Variants in TENM3 observed in about 807,000 individuals in gnomAD.
The protein encoded by TENM3 is teneurin transmembrane protein 3.
A neutral mutation model predicts 255.1 loss-of-function variants in TENM3; 63 were observed. The observed-to-expected ratio is 0.25, with a 90% CI of 0.20 to 0.30. The LOEUF is 0.30. Among genes scored for constraint, TENM3 ranks in the 10% least tolerant of loss-of-function variants. TENM3 has a pLI of 1.00. For missense variants in TENM3, 2,929 were observed against 3,461.1 expected, an observed-to-expected ratio of 0.85 and a Z score of 3.86; for synonymous variants, 1,306 against 1,322.3, an observed-to-expected ratio of 0.99 and a Z score of 0.27.
the TENM3 span, among the ~76,000 whole-genome samples, chr4:181,776,085 C>A: frequency 3.3e-5 from 5 of 152,060 alleles, no homozygotes; most frequent in African/African-American, 9.7e-5. Context: ...CCCAACACAC[C>A]TTTTTCCACT....
At chr4:182,011,332 CCT>C in the TENM3 span, among the ~76,000 whole-genome samples, 11 of 152,200 alleles carry the variant, frequency 7.2e-5, no homozygotes, top group African/African-American at 2.4e-4. Flanking sequence ...TCTTTACACC[CCT>C]GTCTCTTTCA....
chr4:182,112,313 A>T, the TENM3 span, among the ~76,000 whole-genome samples: 1 of 152,204 alleles, frequency 6.6e-6, no homozygotes, highest in Non-Finnish European at 1.5e-5. Context: ...TTTCTCAGCC[A>T]CATTCACGGA....
chr4:182,300,816 A>G (rs1301816216), intron 1 of TENM3, among the ~76,000 whole-genome samples: 1 of 152,204 alleles, frequency 6.6e-6, no homozygotes, highest in African/African-American at 2.4e-5. Flanking sequence ...AGATTTTGAA[A>G]AAGGGTAGAA....
intron 7 of TENM3, among the ~76,000 whole-genome samples, chr4:182,679,210 T>A (rs371980296): frequency 1.5e-4 from 22 of 151,490 alleles, no homozygotes; most frequent in African/African-American, 3.2e-4. Context: ...AAATAAAATT[T>A]AAAAAAAAGA....
At chr4:181,604,669 A>C in the TENM3 span, among the ~76,000 whole-genome samples, 2 of 152,202 alleles carry the variant, frequency 1.3e-5, no homozygotes, top group Non-Finnish European at 2.9e-5. Context: ...TTCTGCTGTA[A>C]GAGTACTTGT....
At chr4:181,557,200 T>C in the TENM3 span, among the ~76,000 whole-genome samples, 1 of 152,138 alleles carries the variant, frequency 6.6e-6, no homozygotes, top group Non-Finnish European at 1.5e-5. Context: ...GGTAAAAATG[T>C]GGAGGAGTTA....
At chr4:181,644,053 G>A in the TENM3 span, among the ~76,000 whole-genome samples, 11 of 146,806 alleles carry the variant, frequency 7.5e-5, no homozygotes, top group African/African-American at 2.5e-4. Context: ...TCTAGCCTGG[G>A]TGACAGAACA....
chr4:181,792,774 A>G, the TENM3 span, among the ~76,000 whole-genome samples: 2 of 152,046 alleles, frequency 1.3e-5, no homozygotes, highest in Non-Finnish European at 2.9e-5. Context: ...ACCCTCCTTT[A>G]TTTTACTGGA....
chr4:182,106,829 G>T, the TENM3 span, among the ~76,000 whole-genome samples: 2 of 152,134 alleles, frequency 1.3e-5, no homozygotes, highest in Non-Finnish European at 2.9e-5. Context: ...GGCCTACCAT[G>T]TGCAGAAATA....
At chr4:182,691,387 TAAACAGAAGC>T (rs752896203) in intron 12 of TENM3, among the ~76,000 whole-genome samples, 1 of 152,190 alleles carries the variant, frequency 6.6e-6, no homozygotes, top group Non-Finnish European at 1.5e-5. Flanking sequence ...GAGGAGAAAG[TAAACAGAAGC>T]AAACAAAAAT....
At chr4:182,243,037 G>A (rs1200815231), upstream of TENM3, among the ~76,000 whole-genome samples, 1 of 152,244 alleles carries the variant, frequency 6.6e-6, no homozygotes, top group African/African-American at 2.4e-5. Flanking sequence ...ATGTGGTAGA[G>A]AGGCTACAAT....
the TENM3 span, among the ~76,000 whole-genome samples, chr4:181,779,409 A>G: frequency 6.6e-6 from 1 of 151,846 alleles, no homozygotes; most frequent in Non-Finnish European, 1.5e-5. Context: ...TCTGGGAAAC[A>G]TAGTTTCATT....
At chr4:182,295,311 AG>A (rs1456750584) in intron 1 of TENM3, among the ~76,000 whole-genome samples, 1 of 123,626 alleles carries the variant, frequency 8.1e-6, no homozygotes, top group East Asian at 2.3e-4. Context: ...TCTGTCTCCC[AG>A]ACTGGAGTGC....
At chr4:182,100,872 T>G in the TENM3 span, among the ~76,000 whole-genome samples, 20 of 76,878 alleles carry the variant, frequency 2.6e-4, 7 homozygotes, top group South Asian at 1.3e-3. Context: ...TATATATATA[T>G]ATAGAGAGAG....
the TENM3 span, among the ~76,000 whole-genome samples, chr4:181,646,261 A>G: frequency 6.6e-6 from 1 of 152,258 alleles, no homozygotes. Flanking sequence ...TATTTTTGCC[A>G]TTATTAGGAC....
At chr4:182,527,259 A>G (rs1739294575) in intron 3 of TENM3, among the ~76,000 whole-genome samples, 1 of 152,154 alleles carries the variant, frequency 6.6e-6, no homozygotes, top group African/African-American at 2.4e-5. Context: ...TTGTTTTTTA[A>G]CTTTCTGAAA....
the TENM3 span, among the ~76,000 whole-genome samples, chr4:181,989,293 G>A: frequency 2.4e-4 from 36 of 152,186 alleles, 1 homozygote; most frequent in African/African-American, 8.2e-4. Flanking sequence ...GGCACAAAGA[G>A]GGATGGAAGC....
chr4:182,094,706 C>T, the TENM3 span, among the ~76,000 whole-genome samples: 2 of 151,912 alleles, frequency 1.3e-5, no homozygotes, highest in Admixed American at 6.6e-5. Flanking sequence ...GATGTGTCCT[C>T]GAAAAAGAAC....
chr4:181,705,869 T>C, the TENM3 span, among the ~76,000 whole-genome samples: 2 of 152,188 alleles, frequency 1.3e-5, no homozygotes, highest in Admixed American at 1.3e-4. Context: ...CACCCTGGGC[T>C]CCTAACCCTA....
Sources: allele counts gnomAD v4.1 joint callset (sites outside exome capture counted in the v4.1 genomes callset), GRCh38; gene constraint gnomAD v4.1.1; transcripts MANE v1.5; gene names NCBI Gene and HGNC (gene_info 2026-07-23, HGNC 2026-07-21).